The following LBP variants were observed in gnomAD, a reference collection of about 807,000 sequenced individuals.
LBP encodes lipopolysaccharide binding protein, also known as lipopolysaccharide-binding protein.
In LBP, 53 loss-of-function variants were observed where a neutral mutation model predicts 56.6. The ratio of observed to expected loss-of-function variants is 0.94; its 90% CI spans 0.75 to 1.18. The LOEUF (loss-of-function observed/expected upper bound fraction) is 1.18, where lower values mean the gene tolerates loss of function less well. Among genes scored for constraint, LBP ranks in the 50% most tolerant of loss-of-function variants. The pLI is 0.00. For missense variants in LBP, 601 were observed against 598.3 expected, an observed-to-expected ratio of 1.00 and a Z score of -0.05; for synonymous variants, 227 against 247.5, an observed-to-expected ratio of 0.92 and a Z score of 0.78.
At position 38,371,992 on chromosome 20, in the gene LBP, G is replaced by GGGTT. The variant is rs1448820413; in HGVS notation, c.1260+672_1260+675dup. On this transcript the variant is annotated intron_variant, in intron 12 of 14. Transcript: ENST00000217407. ...GCACATGGACCAAGACTGGCAAGGA[G>GGGTT]GGTTGTTCCCTGGGGGAAAATAGAC... 2.6e-5 allele frequency among the ~76,000 whole-genome samples: 4 copies of GGGTT among 152,210 alleles called. No homozygotes were observed. The East Asian group carries it at 7.7e-4, about 29-fold the overall frequency.
rs1310303964 is a variant in LBP at position 38,375,984 on chromosome 20, C to G, written c.1402-641C>G. Among the ~76,000 whole-genome samples, 3 of 152,152 alleles carry G rather than the reference C, an allele frequency of 2.0e-5. No homozygotes were observed. The East Asian group carries it at 5.8e-4, about 29-fold the overall frequency. ...AGCATTTATAAGTAGTCAGACAGAT[C>G]GTTGTTCAAAGCAAAGATTGAGTGA... On this transcript the variant is annotated intron_variant, in intron 14 of 14. Transcript: ENST00000217407.
rs2232583 is a variant in LBP at position 38,350,903 on chromosome 20, G to C, written c.332G>C (p.Arg111Pro). Residue 111 changes from arginine to proline, a missense_variant, in exon 3 of 15, where the codon CGG becomes CCG. Arg to Pro is a moderately radical substitution (Grantham distance 103). Transcript: ENST00000217407. ...CTCAGCATCTCCGACTCCTCCATCC[G>C]GGTCCAGGGCAGGTGGAAGGTGCGC... ...LSLSISDSSI[R>P]VQGRWKVRKS... 3.5e-5 allele frequency: 56 copies of C among 1,614,020 alleles called. No individual in the cohort carries two copies. Among genetic ancestry groups the C allele is most frequent in the Non-Finnish European group, 4.1e-5 (48 of 1,179,946 alleles).
Position 38,369,180 on chromosome 20 carries a change from T to G in LBP, c.1149+18T>G. The G allele has an allele frequency of 6.3e-7, 1 of 1,593,090 alleles. No homozygotes were observed. Among genetic ancestry groups the G allele is most frequent in the Non-Finnish European group, 8.5e-7 (1 of 1,170,972 alleles). ...TCAGTGTGGTAAGGTTCAGAGCCTT[T>G]GCAAATGCTGTTTCCTTTTCCCCAC... On this transcript the variant is annotated intron_variant, in intron 10 of 14. Transcript: ENST00000217407.
At chr20:38,361,686 C>T (rs996142227) in intron 6 of LBP, among the ~76,000 whole-genome samples, 16 of 151,820 alleles carry the variant, frequency 1.1e-4, no homozygotes, top group Non-Finnish European at 2.2e-4. Context: ...ATGACAGGCA[C>T]GAGCCACTGT....
chr20:38,360,610 G>A, intron 5 of LBP, 94 bp from the exon 6 acceptor site: 1 of 779,480 alleles, frequency 1.3e-6, no homozygotes, highest in South Asian at 1.6e-5. Context: ...TGATCACTGA[G>A]CACATGTGTG....
intron 2 of LBP, among the ~76,000 whole-genome samples, chr20:38,349,900 T>C (rs1305751566): frequency 1.3e-5 from 2 of 152,142 alleles, no homozygotes; most frequent in Non-Finnish European, 2.9e-5. Context: ...TGAGCCTTGA[T>C]TTCCTTATCT....
At chr20:38,371,666 T>C (rs2076901342) in intron 12 of LBP, among the ~76,000 whole-genome samples, 1 of 152,192 alleles carries the variant, frequency 6.6e-6, no homozygotes, top group African/African-American at 2.4e-5. Flanking sequence ...GTTTCAGGCA[T>C]AGCTGGATCC....
intron 3 of LBP, among the ~76,000 whole-genome samples, chr20:38,352,717 T>A (rs2076824761): frequency 6.6e-6 from 1 of 152,210 alleles, no homozygotes; most frequent in Non-Finnish European, 1.5e-5. Context: ...ATCACGCCAC[T>A]GCACTCCAGT....
chr20:38,375,801 T>C (rs2083955497), intron 14 of LBP, among the ~76,000 whole-genome samples: 1 of 152,112 alleles, frequency 6.6e-6, no homozygotes, highest in Non-Finnish European at 1.5e-5. Flanking sequence ...GCGCTGTGCC[T>C]GGTACATTGT....
rs113031135 is a variant in LBP at position 38,367,808 on chromosome 20, C to G, written c.981+980C>G. 3.1e-4 allele frequency among the ~76,000 whole-genome samples: 47 copies of G among 152,224 alleles called. 3 individuals are homozygous for G. The highest frequency in any genetic ancestry group is 1.1e-3 in the African/African-American group (45 of 41,540). On this transcript the variant is annotated intron_variant, in intron 9 of 14. Coordinates refer to ENST00000217407, the MANE Select transcript of LBP (RefSeq NM_004139.5). ...GGTTCATGGGAGTGCTGTTTTTCCA[C>G]GAATAGCCTCCTAAAAAGGAAGAGT...
chr20:38,355,310 C>A (rs767143528), intron 4 of LBP, 36 bp from the exon 5 acceptor site: 1 of 1,608,338 alleles, frequency 6.2e-7, no homozygotes, highest in South Asian at 1.1e-5. Context: ...CCCGGCCATC[C>A]CCAAGTTCAG....
intron 10 of LBP, 88 bp downstream of exon 10, chr20:38,369,250 C>T: frequency 7.7e-7 from 1 of 1,293,348 alleles, no homozygotes; most frequent in Non-Finnish European, 1.1e-6. Context: ...CACTCACCAC[C>T]TGGGTAATTC....
At chr20:38,349,880 C>A (rs2076814636) in intron 2 of LBP, among the ~76,000 whole-genome samples, 1 of 152,144 alleles carries the variant, frequency 6.6e-6, no homozygotes, top group African/African-American at 2.4e-5. Flanking sequence ...GACCTACTGG[C>A]TGTGTGATCT....
In LBP at chr20:38,376,783, G is replaced by C. The variant is rs1018646763; in HGVS notation, c.*114G>C. Reference sequence around the variant, plus strand: ...TGAAGACATTTCTGCTCTCAGCTCCGGGGGTGAGGTGTGCCTGGCCTCTGC... The same window carrying C: ...TGAAGACATTTCTGCTCTCAGCTCCCGGGGTGAGGTGTGCCTGGCCTCTGC... On this transcript the variant is annotated 3_prime_UTR_variant, in exon 15 of 15. Transcript: ENST00000217407. 11 of 1,071,914 alleles carry C rather than the reference G, an allele frequency of 1.0e-5. No individual in the cohort carries two copies. In the South Asian group the frequency reaches 1.3e-4, roughly 12 times the overall value. 66.4% of individuals were successfully genotyped at this position (1,071,914 alleles called of 1,614,324 possible).
At chr20:38,372,974 C>G in intron 12 of LBP, 98 bp from the exon 13 acceptor site, 1 of 904,968 alleles carries the variant, frequency 1.1e-6, no homozygotes, top group Non-Finnish European at 1.8e-6. Context: ...TGATGTAATA[C>G]TAGTTTGCTT....
At chr20:38,355,593 C>A (rs1268093062) in intron 5 of LBP, among the ~76,000 whole-genome samples, 184 bp downstream of exon 5, 1 of 152,146 alleles carries the variant, frequency 6.6e-6, no homozygotes, top group Non-Finnish European at 1.5e-5. Flanking sequence ...GGGGACAAAG[C>A]TCCAAGTCCG....
intron 6 of LBP, among the ~76,000 whole-genome samples, chr20:38,363,219 T>G (rs749559128): frequency 6.6e-6 from 1 of 152,192 alleles, no homozygotes; most frequent in Admixed American, 6.5e-5. Flanking sequence ...TCATGTGATA[T>G]GCCCAGATTC....
chr20:38,346,565 C>T lies in LBP; in HGVS notation c.49C>T (p.Leu17Phe). ...ALPSILLALL[L>F]TSTPEALGAN... ...GCCGTCCATACTGCTGGCATTGCTG[C>T]TTACGTCCACCCCAGAGGCTCTGGG... The change falls in exon 1 of 15, where the codon CTT becomes TTT. Residue 17 changes from leucine (L) to phenylalanine (F), a missense_variant. Transcript: ENST00000217407. 6.2e-7 allele frequency: 1 copy of T among 1,613,864 alleles called. No homozygotes were observed. Among genetic ancestry groups the T allele is most frequent in the Non-Finnish European group, 8.5e-7 (1 of 1,180,020 alleles).
Position 38,363,956 on chromosome 20 carries a change from G to T in LBP, c.653-19G>T, listed in dbSNP as rs767338452. 11 of 1,584,350 alleles carry T rather than the reference G, an allele frequency of 6.9e-6. No homozygotes were observed. The South Asian group carries it at 1.1e-4, about 16-fold the overall frequency. On this transcript the variant is annotated intron_variant, in intron 6 of 14. Transcript: ENST00000217407. The stretch of plus-strand genomic sequence containing the variant: ...AAAGTGTCATCTGGCCCCTAATTCT[G>T]CCCTGTCCTCATTCACAGTTACAAC...
Sources: gnomAD v4.1 joint callset for allele counts (sites outside exome capture counted in the v4.1 genomes callset) on GRCh38, gnomAD v4.1.1 for gene constraint, MANE v1.5 for transcripts, NCBI Gene and HGNC (gene_info 2026-07-23, HGNC 2026-07-21) for gene names.